The following HPS1 variants were observed in gnomAD, a reference collection of about 807,000 sequenced individuals.
HPS1 encodes HPS1 biogenesis of lysosomal organelles complex 3 subunit 1.
A neutral mutation model predicts 90.6 loss-of-function variants in HPS1; 59 were observed. The observed-to-expected ratio is 0.65, with a 90% CI of 0.53 to 0.81. HPS1 has a LOEUF of 0.81. Among genes scored for constraint, HPS1 ranks in the 30% least tolerant of loss-of-function variants. The pLI is 0.00. For synonymous variants in HPS1, 388 were observed against 384.4 expected, an observed-to-expected ratio of 1.01 and a Z score of -0.11; for missense variants, 849 against 896.7, an observed-to-expected ratio of 0.95 and a Z score of 0.68.
At chr10:98,414,998 TACC>T (rs570476236), downstream of HPS1, 4,124 of 1,612,372 alleles carry the variant, frequency 2.6e-3, 6 homozygotes, top group Non-Finnish European at 3.2e-3. Context: ...CGGCCTGCTT[TACC>T]ACTTTACCTG....
At chr10:98,414,998 T>C (rs745438825), downstream of HPS1, 3 of 1,612,380 alleles carry the variant, frequency 1.9e-6, no homozygotes, top group Non-Finnish European at 2.5e-6. Flanking sequence ...CGGCCTGCTT[T>C]ACCACTTTAC....
At chr10:98,424,448 G>A in intron 13 of HPS1, 74 bp from the exon 14 acceptor site, 1 of 1,342,178 alleles carries the variant, frequency 7.5e-7, no homozygotes, top group Non-Finnish European at 1.1e-6. Flanking sequence ...GTCCTTCTCA[G>A]ATCAGGCTCT....
At chr10:98,426,544 C>G (rs1312380880) in intron 11 of HPS1, among the ~76,000 whole-genome samples, 2 of 152,156 alleles carry the variant, frequency 1.3e-5, no homozygotes, top group African/African-American at 4.8e-5. Flanking sequence ...CAGTGTCATA[C>G]CTAACAGCAA....
intron 3 of HPS1, among the ~76,000 whole-genome samples, chr10:98,437,757 C>G (rs543121660): frequency 6.6e-6 from 1 of 152,346 alleles, no homozygotes; most frequent in African/African-American, 2.4e-5. Flanking sequence ...CAGGGCATGA[C>G]TATAGCTTTT....
chr10:98,435,046 T>C lies in HPS1; in HGVS notation c.398+226A>G. ...TGGATGTGGCCACCAACCAGCTAGA[T>C]GACCCCAGGCAAGTGAGTTCCATTC... On this transcript the variant is annotated intron_variant, in intron 5 of 19. Transcript: ENST00000361490. The surrounding 1 kb of genome is among the most constrained non-coding windows in gnomAD (Gnocchi z 4.3). 1.8e-6 allele frequency: 1 copy of C among 570,682 alleles called. No individual in the cohort carries two copies. The highest frequency in any genetic ancestry group is 3.1e-5 in the East Asian group (1 of 32,370). 35.4% of individuals were successfully genotyped at this position (570,682 alleles called of 1,614,324 possible).
Position 98,430,505 on chromosome 10 carries a change from C to T in HPS1, c.768+66G>A, listed in dbSNP as rs113738644. The T allele has an allele frequency of 1.3e-3, 1,635 of 1,260,590 alleles. 26 individuals carry two copies. In the African/African-American group the frequency reaches 0.019, roughly 15 times the overall value. 78.1% of individuals were successfully genotyped at this position (1,260,590 alleles called of 1,614,324 possible). A position where few individuals can be genotyped will look rare whatever the true frequency, so the allele number is the denominator to read the frequency against. ...TCCCCAGGGGGAGCCTGCCCACCAT[C>T]TTCAGGCAGGTTTTCTGAACTACCT... On this transcript the variant is annotated intron_variant, in intron 8 of 19. Coordinates refer to ENST00000361490, the MANE Select transcript of HPS1 (RefSeq NM_000195.5).
In HPS1 at chr10:98,417,148, G is replaced by C. The variant is rs1310104514; in HGVS notation, c.*416C>G. 1 of 160,814 alleles carries C rather than the reference G, an allele frequency of 6.2e-6. No individual in the cohort carries two copies. Among genetic ancestry groups the C allele is most frequent in the East Asian group, 1.8e-4 (1 of 5,456 alleles). The allele number at this position is 160,814 out of a possible 1,614,324, so 10.0% of individuals were successfully genotyped here. A position where few individuals can be genotyped will look rare whatever the true frequency, so the allele number is the denominator to read the frequency against. ...GAAGAAACTTGCCAGGAGGTGCAGA[G>C]AGGAAGTGGCAGCGCTGGAATTCAA... On this transcript the variant is annotated 3_prime_UTR_variant, in exon 20 of 20. Transcript: ENST00000361490. The surrounding 1 kb of genome is among the most constrained non-coding windows in gnomAD (Gnocchi z 4.2).
At chr10:98,414,985 G>A (rs1367232589), downstream of HPS1, 1 of 1,610,430 alleles carries the variant, frequency 6.2e-7, no homozygotes, top group South Asian at 1.1e-5. Flanking sequence ...CTCAGCTCTG[G>A]CCCGGCCTGC....
rs771778313 is a variant in HPS1 at position 98,424,297 on chromosome 10, G to A, written c.1397+16C>T. 44 of 1,606,714 alleles carry A rather than the reference G, an allele frequency of 2.7e-5. No homozygotes were observed. The East Asian group carries it at 9.1e-4, about 33-fold the overall frequency. ...GGGCACACGACCCACCCCTTGTCCT[G>A]AGGCCCACCACTCACTCCCAGGAGG... is the stretch of plus-strand genomic sequence containing the variant. On this transcript the variant is annotated intron_variant, in intron 14 of 19. Coordinates refer to ENST00000361490, the MANE Select transcript of HPS1 (RefSeq NM_000195.5).
intron 17 of HPS1, 83 bp downstream of exon 17, chr10:98,422,286 C>A (rs1376420772): frequency 2.7e-6 from 4 of 1,500,148 alleles, no homozygotes; most frequent in Non-Finnish European, 3.7e-6. Flanking sequence ...CTCTGCTAGC[C>A]CCAGGCATGT....
intron 5 of HPS1, among the ~76,000 whole-genome samples, chr10:98,434,667 A>G (rs1201260341): frequency 6.6e-6 from 1 of 151,908 alleles, no homozygotes; most frequent in Non-Finnish European, 1.5e-5. Flanking sequence ...CAGCTTCCCA[A>G]TCCATCTTAG....
chr10:98,428,991 G>C (rs1039542565), intron 10 of HPS1, among the ~76,000 whole-genome samples: 1 of 151,938 alleles, frequency 6.6e-6, no homozygotes, highest in Non-Finnish European at 1.5e-5. Context: ...ACAGGCGCCT[G>C]CCACCAGACC....
intron 10 of HPS1, among the ~76,000 whole-genome samples, chr10:98,427,741 G>A (rs940121190): frequency 1.3e-5 from 2 of 152,110 alleles, no homozygotes; most frequent in Non-Finnish European, 2.9e-5. Flanking sequence ...AATTGAGGTG[G>A]ATTTCCTTCC....
intron 13 of HPS1, 75 bp downstream of exon 13, chr10:98,425,466 T>A: frequency 2.0e-6 from 3 of 1,469,588 alleles, no homozygotes; most frequent in Non-Finnish European, 2.8e-6. Context: ...GCCCCTCAGC[T>A]GCTGTGGACC....
intron 17 of HPS1, 128 bp from the exon 18 acceptor site, chr10:98,420,286 G>A (rs537645514): frequency 3.1e-5 from 23 of 734,708 alleles, no homozygotes; most frequent in East Asian, 5.2e-5. Flanking sequence ...CCTAGTACCC[G>A]GGCACTGCCT....
chr10:98,425,893 G>C lies in HPS1; in HGVS notation c.1080C>G (p.Ser360Arg). 3 of 1,614,160 alleles carry C rather than the reference G, an allele frequency of 1.9e-6. No homozygotes were observed. The highest frequency in any genetic ancestry group is 2.5e-6 in the Non-Finnish European group (3 of 1,180,010). ...RIFLDANVKE[S>R]YCPLVPHTMY... ...TGGTGTGGGGCACTAGGGGGCAGTAGCTTTCCTTCACGTTGGCATCCAGGA... is the reference window on the plus strand; with the variant it reads ...TGGTGTGGGGCACTAGGGGGCAGTACCTTTCCTTCACGTTGGCATCCAGGA... Residue 360 changes from serine (S) to arginine (R), a missense_variant, in exon 12 of 20, where the codon AGC (serine) becomes AGG (arginine). Ser to Arg is a moderately radical substitution (Grantham distance 110, BLOSUM62 -1). Transcript: ENST00000361490.
rs1847125622 is a variant in HPS1 at position 98,435,167 on chromosome 10, G to A, written c.398+105C>T. Reference sequence around the variant, plus strand: ...TTCTCTGACCTAGGGACCCAGCTGGGGGCAGTATGTGAAAAATGGCAGCTT... The same window carrying A: ...TTCTCTGACCTAGGGACCCAGCTGGAGGCAGTATGTGAAAAATGGCAGCTT... On this transcript the variant is annotated intron_variant, in intron 5 of 19. Transcript: ENST00000361490. The surrounding 1 kb of genome is among the most constrained non-coding windows in gnomAD (Gnocchi z 4.3). 1 of 1,389,780 alleles carries A rather than the reference G, an allele frequency of 7.2e-7. No individual in the cohort carries two copies. Among genetic ancestry groups the A allele is most frequent in the East Asian group, 2.3e-5 (1 of 43,686 alleles). 86.1% of individuals were successfully genotyped at this position (1,389,780 alleles called of 1,614,324 possible).
At chr10:98,414,827 GTGCC>G, downstream of HPS1, 1 of 866,130 alleles carries the variant, frequency 1.2e-6, no homozygotes, top group Non-Finnish European at 1.7e-6. Context: ...GGAATCCCAG[GTGCC>G]TGCCTGCCAG....
At chr10:98,438,626 TG>T (rs907897756) in intron 3 of HPS1, among the ~76,000 whole-genome samples, 3 of 152,194 alleles carry the variant, frequency 2.0e-5, no homozygotes, top group Non-Finnish European at 4.4e-5. Context: ...CACTAATAGA[TG>T]GTTTGGAATT....
Sources: allele counts gnomAD v4.1 joint callset (sites outside exome capture counted in the v4.1 genomes callset), GRCh38; gene constraint gnomAD v4.1.1; non-coding constraint Gnocchi (gnomAD v3.1); transcripts MANE v1.5; gene names NCBI Gene and HGNC (gene_info 2026-07-23, HGNC 2026-07-21).